The following MYO16 variants were observed in gnomAD, a reference collection of about 807,000 sequenced individuals.
MYO16 encodes the protein unconventional myosin-XVI.
In MYO16, 94 loss-of-function variants were observed where a neutral mutation model predicts 205.3. The ratio of observed to expected loss-of-function variants is 0.46; its 90% confidence interval spans 0.39 to 0.54. The LOEUF (loss-of-function observed/expected upper bound fraction) is 0.54. Ranked by LOEUF, MYO16 falls within the 20% of genes least tolerant of loss-of-function variation. The pLI is 0.00. For synonymous variants in MYO16, 988 were observed against 954.0 expected (o/e 1.04, Z -0.66); for missense variants, 2,315 against 2,387.5 (o/e 0.97, Z 0.63).
intron 31 of MYO16, among the ~76,000 whole-genome samples, chr13:109,137,084 C>T (rs1189811645): frequency 1.3e-5 from 2 of 152,118 alleles, no homozygotes; most frequent in Admixed American, 1.3e-4. Flanking sequence ...GGATGGGAAA[C>T]CAGACAGCTG....
At chr13:108,876,153 A>G (rs1249277828) in intron 12 of MYO16, among the ~76,000 whole-genome samples, 1 of 152,178 alleles carries the variant, frequency 6.6e-6, no homozygotes, top group African/African-American at 2.4e-5. Flanking sequence ...TAATGTGTAT[A>G]TCACTATCAT....
intron 4 of MYO16, among the ~76,000 whole-genome samples, chr13:108,778,823 A>G (rs1057488626): frequency 6.6e-6 from 1 of 152,220 alleles, no homozygotes; most frequent in Non-Finnish European, 1.5e-5. Context: ...AACTCTCAAT[A>G]TGAAAAATTC....
the MYO16 span, among the ~76,000 whole-genome samples, chr13:108,500,203 C>A: frequency 3.0e-5 from 4 of 134,790 alleles, no homozygotes; most frequent in Admixed American, 2.4e-4. Flanking sequence ...CCCGTTGATT[C>A]CTGTTTTTTT....
At chr13:109,138,441 C>G (rs1389843561) in intron 31 of MYO16, among the ~76,000 whole-genome samples, 1 of 152,066 alleles carries the variant, frequency 6.6e-6, no homozygotes, top group African/African-American at 2.4e-5. Context: ...TTATAATTTA[C>G]AGTAAAAGCA....
the MYO16 span, among the ~76,000 whole-genome samples, chr13:108,541,917 A>G: frequency 2.6e-5 from 4 of 152,170 alleles, no homozygotes; most frequent in Admixed American, 1.3e-4. Flanking sequence ...TCCTCAAAGG[A>G]CAAAAAACAG....
At chr13:109,014,674 A>G (rs1011919799) in intron 22 of MYO16, among the ~76,000 whole-genome samples, 2 of 152,128 alleles carry the variant, frequency 1.3e-5, no homozygotes, top group East Asian at 3.9e-4. Context: ...CCTTGAAGAG[A>G]TCCTTCACAT....
intron 22 of MYO16, among the ~76,000 whole-genome samples, chr13:109,009,919 C>A (rs550913933): frequency 7.9e-5 from 12 of 152,290 alleles, no homozygotes; most frequent in Non-Finnish European, 1.6e-4. Context: ...TTAAAAATGT[C>A]TTCAAACCGG....
At chr13:108,520,212 T>C in the MYO16 span, among the ~76,000 whole-genome samples, 2 of 152,162 alleles carry the variant, frequency 1.3e-5, no homozygotes, top group Non-Finnish European at 2.9e-5. Flanking sequence ...AAATTATATG[T>C]CGTAAGATCT....
intron 27 of MYO16, among the ~76,000 whole-genome samples, chr13:109,070,566 C>G (rs1887893153): frequency 6.6e-6 from 1 of 152,018 alleles, no homozygotes. Context: ...TTTAGGGTAG[C>G]CATTTACTCT....
chr13:109,112,610 C>G (rs1212528783), intron 28 of MYO16, among the ~76,000 whole-genome samples: 1 of 151,936 alleles, frequency 6.6e-6, no homozygotes, highest in East Asian at 1.9e-4. Flanking sequence ...ACAAAATTAG[C>G]CAGGCACGGT....
intron 27 of MYO16, among the ~76,000 whole-genome samples, chr13:109,062,080 GAA>G (rs1485554997): frequency 1.6e-5 from 2 of 127,622 alleles, no homozygotes; most frequent in Non-Finnish European, 3.5e-5. Flanking sequence ...AGTGGAGGGA[GAA>G]AGAGAGAGAG....
At chr13:108,838,355 A>T (rs1877037037) in intron 9 of MYO16, among the ~76,000 whole-genome samples, 1 of 152,078 alleles carries the variant, frequency 6.6e-6, no homozygotes, top group East Asian at 1.9e-4. Flanking sequence ...CACTCAAATT[A>T]TAAAAAAAAT....
At chr13:109,034,241 T>C (rs1316132111) in intron 23 of MYO16, among the ~76,000 whole-genome samples, 3 of 152,200 alleles carry the variant, frequency 2.0e-5, no homozygotes, top group Non-Finnish European at 4.4e-5. Flanking sequence ...ATTCCAAATT[T>C]TACAAATGTA....
At chr13:108,714,976 C>T (rs937901294) in intron 3 of MYO16, among the ~76,000 whole-genome samples, 2 of 152,158 alleles carry the variant, frequency 1.3e-5, no homozygotes, top group Non-Finnish European at 2.9e-5. Context: ...TCTTTGCCTG[C>T]ACTATACTGT....
intron 4 of MYO16, among the ~76,000 whole-genome samples, chr13:108,730,942 T>A (rs1168551555): frequency 6.6e-6 from 1 of 152,238 alleles, no homozygotes; most frequent in Non-Finnish European, 1.5e-5. Context: ...CTGTGTTCCT[T>A]GATATTTCAT....
chr13:108,823,017 T>A (rs75276328), intron 8 of MYO16, 108 bp from the exon 9 acceptor site: 1 of 1,068,724 alleles, frequency 9.4e-7, no homozygotes, highest in Non-Finnish European at 1.3e-6. Context: ...GATTCATACA[T>A]TGATAAATTT....
chr13:109,046,025 C>T (rs1416609173), intron 23 of MYO16, among the ~76,000 whole-genome samples: 4 of 151,480 alleles, frequency 2.6e-5, no homozygotes, highest in South Asian at 2.1e-4. Flanking sequence ...TCCCTCATGG[C>T]GGATCCTCGC....
chr13:108,961,754 T>A, intron 18 of MYO16, 98 bp downstream of exon 18: 1 of 933,920 alleles, frequency 1.1e-6, no homozygotes, highest in Non-Finnish European at 1.7e-6. Context: ...CCAGTTGGCT[T>A]AAACCCTTTC....
At chr13:109,050,700 G>A (rs1417196061) in intron 24 of MYO16, among the ~76,000 whole-genome samples, 2 of 151,990 alleles carry the variant, frequency 1.3e-5, no homozygotes, top group Non-Finnish European at 2.9e-5. Flanking sequence ...AATTCCCACT[G>A]CTTTATTAAT....
Sources: gnomAD v4.1 joint callset for allele counts (sites outside exome capture counted in the v4.1 genomes callset) on GRCh38, gnomAD v4.1.1 for gene constraint, MANE v1.5 for transcripts, NCBI Gene and HGNC (gene_info 2026-07-23, HGNC 2026-07-21) for gene names.